The following ASIC2 variants were observed in gnomAD, a reference collection of about 807,000 sequenced individuals.
ASIC2 encodes the protein acid sensing ion channel subunit 2, also known as acid-sensing ion channel 2.
In ASIC2, 25 loss-of-function variants were observed where a neutral mutation model predicts 57.3. The ratio of observed to expected loss-of-function variants is 0.44; its 90% CI spans 0.32 to 0.61. The LOEUF is 0.61. Ranked by LOEUF, ASIC2 falls within the 20% of genes least tolerant of loss-of-function variation. ASIC2 has a pLI of 0.06. For synonymous variants in ASIC2, 319 were observed against 307.5 expected (o/e 1.04, Z -0.39); for missense variants, 641 against 738.1 (o/e 0.87, Z 1.52).
chr17:34,047,380 C>T (rs1044026288), intron 1 of ASIC2, among the ~76,000 whole-genome samples: 1 of 151,810 alleles, frequency 6.6e-6, no homozygotes, highest in African/African-American at 2.4e-5. Flanking sequence ...TCACAATGTC[C>T]CAAAACCCCC....
chr17:33,275,132 T>A (rs941854020), intron 1 of ASIC2, among the ~76,000 whole-genome samples: 1 of 152,128 alleles, frequency 6.6e-6, no homozygotes, highest in African/African-American at 2.4e-5. Context: ...ACTGAGGCAA[T>A]TATCCAACGT....
At chr17:33,591,254 A>G (rs1904816108) in intron 1 of ASIC2, among the ~76,000 whole-genome samples, 1 of 152,172 alleles carries the variant, frequency 6.6e-6, no homozygotes, top group African/African-American at 2.4e-5. Context: ...ATGGTATATG[A>G]TAAGATTCGG....
chr17:33,083,928 G>T (rs1598267905), intron 3 of ASIC2, among the ~76,000 whole-genome samples: 1 of 152,242 alleles, frequency 6.6e-6, no homozygotes, highest in Non-Finnish European at 1.5e-5. Flanking sequence ...TACCAAGGAG[G>T]GTGGCCAGAG....
At chr17:33,095,326 C>T (rs2092174224) in intron 2 of ASIC2, among the ~76,000 whole-genome samples, 1 of 152,206 alleles carries the variant, frequency 6.6e-6, no homozygotes, top group South Asian at 2.1e-4. Context: ...GACATTTTCC[C>T]TCCATTCGGT....
chr17:33,245,326 G>A (rs144281385), intron 1 of ASIC2, among the ~76,000 whole-genome samples: 26 of 152,252 alleles, frequency 1.7e-4, no homozygotes, highest in Admixed American at 3.3e-4. Flanking sequence ...AGGCTGCTAG[G>A]ATCCTAAAGG....
intron 1 of ASIC2, among the ~76,000 whole-genome samples, chr17:33,165,570 T>C (rs1045720293): frequency 1.3e-5 from 2 of 152,060 alleles, no homozygotes; most frequent in African/African-American, 4.8e-5. Context: ...GATAGGGGAA[T>C]CTGATTATTC....
chr17:33,381,661 G>T (rs1909493602), intron 1 of ASIC2, among the ~76,000 whole-genome samples: 1 of 152,204 alleles, frequency 6.6e-6, no homozygotes, highest in African/African-American at 2.4e-5. Context: ...ATGAGAAAAA[G>T]TATAGAAAGA....
chr17:33,702,310 G>T (rs554196672), intron 1 of ASIC2, among the ~76,000 whole-genome samples: 1 of 152,256 alleles, frequency 6.6e-6, no homozygotes, highest in East Asian at 1.9e-4. Context: ...GGGGTTAGAG[G>T]GGGGGTATCA....
rs115611739 is a variant in ASIC2 at position 33,642,871 on chromosome 17, C to A, written c.555+513107G>T. Among the ~76,000 whole-genome samples the A allele has an allele frequency of 6.1e-3, 936 of 152,292 alleles. 9 individuals are homozygous for A. Among genetic ancestry groups the A allele is most frequent in the African/African-American group, 0.021 (889 of 41,550 alleles). ...CCTGGATTGTGGGGAGACCTGCAAA[C>A]CTTGTCAGAGCATGGCTTCCCAAGG... On this transcript the variant is annotated intron_variant, in intron 1 of 9. Coordinates refer to the ASIC2 transcript ENST00000359872.
chr17:33,161,933 A>T (rs1372011820), intron 1 of ASIC2, among the ~76,000 whole-genome samples: 1 of 131,022 alleles, frequency 7.6e-6, no homozygotes, highest in African/African-American at 2.9e-5. Context: ...TCACCAGGGG[A>T]GAGACAGGGA....
At chr17:33,504,133 C>T (rs1914180069) in intron 1 of ASIC2, among the ~76,000 whole-genome samples, 1 of 152,228 alleles carries the variant, frequency 6.6e-6, no homozygotes, top group South Asian at 2.1e-4. Context: ...AGTTTGACAT[C>T]CATCTTTCCA....
At chr17:33,438,772 C>T (rs1187996481) in intron 1 of ASIC2, among the ~76,000 whole-genome samples, 1 of 151,852 alleles carries the variant, frequency 6.6e-6, no homozygotes, top group African/African-American at 2.4e-5. Flanking sequence ...AGGCACATGA[C>T]CTGGCCCAAC....
Position 33,291,493 on chromosome 17 carries a change from A to G in ASIC2, c.623T>C (p.Met208Thr). Residue 208 changes from methionine (M) to threonine (T), a missense_variant, in exon 1 of 10, where the codon ATG becomes ACG. Physicochemically the swap from Met to Thr is moderately conservative, Grantham distance 81. Coordinates refer to ENST00000225823, the MANE Select transcript of ASIC2 (RefSeq NM_183377.2). Reference sequence around the variant, plus strand: ...CTCCAGCTGGTGGCCCAGGCGGTCCATGAAGGCGGCGCTGATTCCCTCGAA... The same window carrying G: ...CTCCAGCTGGTGGCCCAGGCGGTCCGTGAAGGCGGCGCTGATTCCCTCGAA... ...RHFEGISAAFMDRLGHQLEDM... is the reference protein window; with the variant it reads ...RHFEGISAAFTDRLGHQLEDM... The G allele has an allele frequency of 6.2e-7, 1 of 1,612,694 alleles. No individual in the cohort carries two copies. The highest frequency in any genetic ancestry group is 1.3e-5 in the African/African-American group (1 of 75,044).
At chr17:33,968,550 G>T (rs1193875334) in intron 1 of ASIC2, among the ~76,000 whole-genome samples, 2 of 152,222 alleles carry the variant, frequency 1.3e-5, no homozygotes, top group East Asian at 3.8e-4. Flanking sequence ...GGGGAGAGGG[G>T]AGGAGATGCT....
At chr17:33,689,987 C>T (rs1260035453) in intron 1 of ASIC2, among the ~76,000 whole-genome samples, 1 of 152,232 alleles carries the variant, frequency 6.6e-6, no homozygotes, top group Non-Finnish European at 1.5e-5. Flanking sequence ...AAACTGAGTC[C>T]AGAAACTTTT....
At chr17:34,107,902 T>C (rs1432234810) in intron 1 of ASIC2, among the ~76,000 whole-genome samples, 1 of 152,200 alleles carries the variant, frequency 6.6e-6, no homozygotes, top group African/African-American at 2.4e-5. Context: ...TGAAAATACG[T>C]AATTAGAAAA....
chr17:33,799,403 T>TTTCTTTCTTTTC (rs756059318), intron 1 of ASIC2, among the ~76,000 whole-genome samples: 2 of 51,312 alleles, frequency 3.9e-5, no homozygotes, highest in African/African-American at 1.3e-4. Context: ...TCTTTCTTTC[T>TTTCTTTCTTTTC]TTTCTTTCTT....
intron 1 of ASIC2, among the ~76,000 whole-genome samples, chr17:33,665,232 A>G (rs1907432421): frequency 6.6e-6 from 1 of 152,290 alleles, no homozygotes; most frequent in Admixed American, 6.5e-5. Flanking sequence ...TTATTCTCAC[A>G]AACTATTGGA....
intron 1 of ASIC2, among the ~76,000 whole-genome samples, chr17:33,218,023 T>G (rs1427231146): frequency 6.6e-6 from 1 of 152,238 alleles, no homozygotes; most frequent in South Asian, 2.1e-4. Flanking sequence ...TATTTCTGTA[T>G]AGTAGTATGG....
Sources: gnomAD v4.1 joint callset for allele counts (sites outside exome capture counted in the v4.1 genomes callset) on GRCh38, gnomAD v4.1.1 for gene constraint, MANE v1.5 for transcripts, NCBI Gene and HGNC (gene_info 2026-07-23, HGNC 2026-07-21) for gene names.